Variants in CGN observed in about 807,000 individuals in gnomAD.
CGN encodes cingulin.
Under a neutral mutation model 157.1 loss-of-function variants are expected in CGN, and 121 were observed. The ratio of observed to expected loss-of-function variants is 0.77; its 90% CI spans 0.66 to 0.90. The LOEUF is 0.90. CGN is among the 40% of genes least tolerant of loss of function. The probability of loss-of-function intolerance (pLI) is 0.00; values close to 1 mark genes in which losing one functional copy is unlikely to be tolerated. For missense variants in CGN, 1,424 were observed against 1,520.9 expected, an observed-to-expected ratio of 0.94 and a Z score of 1.06; for synonymous variants, 535 against 607.5, an observed-to-expected ratio of 0.88 and a Z score of 1.76.
At chr1:151,527,496 A>G (rs1187944249) in intron 10 of CGN, among the ~76,000 whole-genome samples, 3 of 152,214 alleles carry the variant, frequency 2.0e-5, no homozygotes, top group Non-Finnish European at 4.4e-5. Context: ...TTATGAAAAA[A>G]TGTTTACCAT....
At chr1:151,520,748 C>T in intron 5 of CGN, 57 bp downstream of exon 5, 1 of 1,424,150 alleles carries the variant, frequency 7.0e-7, no homozygotes, top group South Asian at 1.2e-5. Flanking sequence ...AAAGCCTTGG[C>T]CTGGAGATGG....
chr1:151,528,234 T>C (rs528847377), intron 10 of CGN, among the ~76,000 whole-genome samples: 18 of 151,830 alleles, frequency 1.2e-4, no homozygotes, highest in African/African-American at 4.4e-4. Context: ...TGATCCGCCC[T>C]CCTTGGCCTC....
chr1:151,518,529 G>A lies in CGN; in HGVS notation c.10G>A (p.Ala4Thr). The A allele has an allele frequency of 1.9e-6, 3 of 1,603,142 alleles. No homozygotes were observed. Among genetic ancestry groups the A allele is most frequent in the Non-Finnish European group, 2.6e-6 (3 of 1,171,724 alleles). Residue 4 changes from alanine to threonine, a missense_variant, in exon 2 of 21, where the codon GCA (alanine) becomes ACA (threonine). Ala to Thr is a moderately conservative substitution (Grantham distance 58). Transcript: ENST00000271636. ...AGGACTCCTCCTATTTATGGAGCAG[G>A]CACCCAACATGGCTGAGCCCCGGGG... MEQ[A>T]PNMAEPRGPV...
At position 151,527,238 on chromosome 1, in the gene CGN, A is replaced by G. The variant is rs1332750010; in HGVS notation, c.1896+131A>G. ...TTTCCAGGCCTCATCCTGCCTGCTC[A>G]GCTTGATCTCTTTCCAGCACAGCAG... On this transcript the variant is annotated intron_variant, in intron 10 of 20. Coordinates refer to ENST00000271636, the MANE Select transcript of CGN (RefSeq NM_020770.3). 3 of 940,764 alleles carry G rather than the reference A, an allele frequency of 3.2e-6. No homozygotes were observed. In the Admixed American group the frequency reaches 6.1e-5, roughly 19 times the overall value. The allele number at this position is 940,764 out of a possible 1,614,324, so 58.3% of individuals were successfully genotyped here. A position where few individuals can be genotyped will look rare whatever the true frequency, so the allele number is the denominator to read the frequency against.
chr1:151,519,437 C>G, intron 2 of CGN, 45 bp downstream of exon 2: 1 of 1,497,736 alleles, frequency 6.7e-7, no homozygotes, highest in Non-Finnish European at 8.9e-7. Context: ...AGCCCCTTCT[C>G]CCTTCTCATC....
rs1478415827 is a variant in CGN, at chr1:151,530,121, T to C, written c.2313+6T>C. On this transcript the variant is annotated splice_donor_region_variant and intron_variant, in intron 12 of 20. Transcript: ENST00000271636. ...ACAAGCTGCAGCGGCTGGAGGTCAGTGGTTCTGCCCTCCCAGCCCTCTCTG... is the reference window on the plus strand; with the variant it reads ...ACAAGCTGCAGCGGCTGGAGGTCAGCGGTTCTGCCCTCCCAGCCCTCTCTG... 5.6e-6 allele frequency: 9 copies of C among 1,608,138 alleles called. No individual in the cohort carries two copies. Among genetic ancestry groups the C allele is most frequent in the East Asian group, 2.2e-5 (1 of 44,756 alleles).
chr1:151,523,391 T>C (rs973677593), intron 5 of CGN, 43 bp from the exon 6 acceptor site: 6 of 1,555,382 alleles, frequency 3.9e-6, no homozygotes, highest in Admixed American at 4.0e-5. Flanking sequence ...TCTGAGAGGC[T>C]TTCCCTACCC....
chr1:151,527,213 T>A, intron 10 of CGN, 106 bp downstream of exon 10: 2 of 1,240,992 alleles, frequency 1.6e-6, no homozygotes, highest in Non-Finnish European at 2.3e-6. Context: ...GTGTGCTTGG[T>A]TTCCAGGCCT....
rs1337819009 is a variant in CGN at position 151,536,329 on chromosome 1, A to G, written c.3290A>G (p.Asn1097Ser). The G allele has an allele frequency of 3.1e-6, 5 of 1,603,974 alleles. No homozygotes were observed. The highest frequency in any genetic ancestry group is 3.4e-6 in the Non-Finnish European group (4 of 1,170,860). Residue 1097 changes from asparagine (N) to serine (S), a missense_variant, in exon 19 of 21, where the codon AAT becomes AGT. Transcript: ENST00000271636. ...ATTGAAGACGAGCGGCAGCATGTCA[A>G]TGACCAGAAAGACCAGGTGAGGACA... ...IQIEDERQHVNDQKDQLSLRV... is the reference protein window; with the variant it reads ...IQIEDERQHVSDQKDQLSLRV...
At chr1:151,529,778 C>A in intron 11 of CGN, 131 bp from the exon 12 acceptor site, 1 of 896,802 alleles carries the variant, frequency 1.1e-6, no homozygotes, top group Admixed American at 2.7e-5. Flanking sequence ...GTGGCAGCTG[C>A]TCTCTTTAAG....
intron 6 of CGN, among the ~76,000 whole-genome samples, chr1:151,523,825 C>T (rs1664599721): frequency 6.6e-6 from 1 of 152,128 alleles, no homozygotes; most frequent in Admixed American, 6.5e-5. Context: ...AATAATAGTA[C>T]CTACCTCACA....
chr1:151,524,750 G>A lies in CGN; in HGVS notation c.1478G>A (p.Arg493Gln), dbSNP rs757655447. 17 of 1,611,454 alleles carry A rather than the reference G, an allele frequency of 1.1e-5. No individual in the cohort carries two copies. Among genetic ancestry groups the A allele is most frequent in the South Asian group, 5.5e-5 (5 of 90,924 alleles). ...KQRVEEQLRL[R>Q]ERELTALKGA... ...CGAGTAGAGGAGCAGCTGAGGCTGC[G>A]GGAGCGGGAGTTGACAGCCCTGAAG... The change falls in exon 8 of 21, where the codon CGG (arginine) becomes CAG (glutamine). Residue 493 changes from arginine to glutamine, a missense_variant. By Grantham distance (43) the Arg-to-Gln change is conservative. This residue lies in a region of CGN where 1,187 missense variants were observed against 1,217.6 expected (regional missense o/e 0.97). Transcript: ENST00000271636. This position sits in a 1 kb window ranked among gnomAD's most constrained non-coding sequence, Gnocchi z 4.4.
At position 151,524,283 on chromosome 1, in the gene CGN, G is replaced by A. The variant is rs780954829; in HGVS notation, c.1326G>A (p.Glu442=). 4.3e-6 allele frequency: 7 copies of A among 1,614,098 alleles called. No homozygotes were observed. The highest frequency in any genetic ancestry group is 2.2e-5 in the East Asian group (1 of 44,898). Residue 442 remains glutamate (E), a synonymous_variant, in exon 7 of 21, where the codon GAG becomes GAA. Coordinates refer to ENST00000271636, the MANE Select transcript of CGN (RefSeq NM_020770.3). This position sits in a 1 kb window ranked among gnomAD's most constrained non-coding sequence, Gnocchi z 4.4. ...DQGEDLRHGL[E]TQVMELQNKL... is the part of the protein sequence containing the mutation. The stretch of plus-strand genomic sequence containing the variant: ...GTGAAGATTTACGACATGGGCTGGA[G>A]ACCCAGGTGATGGAGCTGCAGAACA...
At chr1:151,525,935 C>A in intron 9 of CGN, 145 bp downstream of exon 9, 1 of 479,054 alleles carries the variant, frequency 2.1e-6, no homozygotes, top group Non-Finnish European at 3.1e-6. Flanking sequence ...TGTCATGGCA[C>A]GATCTTGGCT....
At chr1:151,528,112 C>T (rs989347580) in intron 10 of CGN, among the ~76,000 whole-genome samples, 8 of 151,114 alleles carry the variant, frequency 5.3e-5, no homozygotes, top group East Asian at 3.9e-4. Context: ...CCCACCACCA[C>T]GCCCGGCTAA....
rs756491719 is a variant in CGN at position 151,537,268 on chromosome 1, G to A, written c.3534G>A (p.Glu1178=). The stretch of plus-strand genomic sequence containing the variant: ...AAAACGAAGGGCTGAGCTCAGATGA[G>A]GAATTCGACAGTGTCTACGATCCCT... ...ALKNEGLSSD[E]EFDSVYDPSS... The change falls in exon 21 of 21, where the codon GAG becomes GAA. Residue 1178 remains glutamate (E), a synonymous_variant. Transcript: ENST00000271636. 3.1e-6 allele frequency: 5 copies of A among 1,614,090 alleles called. No homozygotes were observed. The highest frequency in any genetic ancestry group is 4.2e-6 in the Non-Finnish European group (5 of 1,179,966).
intron 1 of CGN, chr1:151,515,595 T>A (rs954871362): frequency 1.3e-5 from 2 of 152,246 alleles, no homozygotes; most frequent in African/African-American, 4.8e-5. Context: ...TGCCTCAGCC[T>A]CCTAAGTCGC....
At chr1:151,531,722 G>A (rs1664841149) in intron 13 of CGN, among the ~76,000 whole-genome samples, 1 of 152,152 alleles carries the variant, frequency 6.6e-6, no homozygotes, top group Non-Finnish European at 1.5e-5. Flanking sequence ...GAAATAAATT[G>A]CTTTTGCTGC....
intron 10 of CGN, among the ~76,000 whole-genome samples, chr1:151,528,229 C>T (rs568505731): frequency 1.1e-4 from 16 of 151,786 alleles, no homozygotes; most frequent in East Asian, 9.7e-4. Context: ...CCTTGTGATC[C>T]GCCCTCCTTG....
Sources: allele counts gnomAD v4.1 joint callset (sites outside exome capture counted in the v4.1 genomes callset), GRCh38; gene constraint gnomAD v4.1.1; regional missense constraint gnomAD v4.1.1; non-coding constraint Gnocchi (gnomAD v3.1); transcripts MANE v1.5; gene names NCBI Gene and HGNC (gene_info 2026-07-23, HGNC 2026-07-21).